SCO1: variants seen among roughly 807,000 people sequenced by gnomAD.
SCO1 encodes the protein synthesis of cytochrome C oxidase 1, also known as cytochrome c oxidase assembly factor SCO1.
Under a neutral mutation model 34.0 loss-of-function variants are expected in SCO1, and 23 were observed. That is an observed-to-expected ratio of 0.68 (90% CI 0.49 to 0.96). The LOEUF is 0.96. SCO1 is among the 40% of genes least tolerant of loss of function. SCO1 has a pLI of 0.00. For missense variants in SCO1, 404 were observed against 381.6 expected, an observed-to-expected ratio of 1.06 and a Z score of -0.49; for synonymous variants, 161 against 145.5, an observed-to-expected ratio of 1.11 and a Z score of -0.77.
Position 10,697,444 on chromosome 17 carries a change from A to G in SCO1, c.64T>C (p.Phe22Leu), listed in dbSNP as rs2074738912. Residue 22 changes from phenylalanine (F) to leucine (L), a missense_variant, in exon 1 of 6, where the codon TTC becomes CTC. Phe to Leu is a conservative substitution (Grantham distance 22). Transcript: ENST00000255390. ...MRPLGGQLWRFLPRGLEFWGP... is the reference protein window; with the variant it reads ...MRPLGGQLWRLLPRGLEFWGP... ...CAAAACTCGAGTCCGCGAGGCAAGAAGCGCCAAAGTTGGCCACCCAGAGGC... is the reference window on the plus strand; with the variant it reads ...CAAAACTCGAGTCCGCGAGGCAAGAGGCGCCAAAGTTGGCCACCCAGAGGC... The G allele has an allele frequency of 6.2e-7, 1 of 1,612,956 alleles. No homozygotes were observed. The highest frequency in any genetic ancestry group is 8.5e-7 in the Non-Finnish European group (1 of 1,179,764).
chr17:10,689,575 C>T (rs1202124138), intron 4 of SCO1, among the ~76,000 whole-genome samples: 2 of 152,148 alleles, frequency 1.3e-5, no homozygotes, highest in Admixed American at 6.5e-5. Context: ...TGAATTAGAA[C>T]CTAAGCATCC....
At chr17:10,695,599 A>G (rs1408310089) in intron 2 of SCO1, 142 bp downstream of exon 2, 1 of 633,798 alleles carries the variant, frequency 1.6e-6, no homozygotes, top group African/African-American at 1.8e-5. Context: ...GGTGAAAGGT[A>G]TGTAGAACCT....
chr17:10,692,047 C>T (rs1207451801), intron 3 of SCO1, 83 bp from the exon 4 acceptor site: 6 of 955,636 alleles, frequency 6.3e-6, no homozygotes, highest in Non-Finnish European at 5.1e-6. Context: ...GAGTATAGGA[C>T]GTGCTGGACA....
At position 10,677,586 on chromosome 17, in the gene SCO1, GCCTCCCAACTCGC is replaced by G. The variant is rs1361221040; in HGVS notation, c.*3520_*3532del. 14 of 152,084 alleles carry G rather than the reference GCCTCCCAACTCGC, an allele frequency of 9.2e-5. No homozygotes were observed. Among genetic ancestry groups the G allele is most frequent in the African/African-American group, 3.4e-4 (14 of 41,420 alleles). 9.4% of individuals were successfully genotyped at this position (152,084 alleles called of 1,614,324 possible). A position where few individuals can be genotyped will look rare whatever the true frequency, so the allele number is the denominator to read the frequency against. ...ACGCATTTACAATTTAAAATCATTA[GCCTCCCAACTCGC>G]ATATTTTACTGGTAGTCAGTAAATC... is the stretch of plus-strand genomic sequence containing the variant. On this transcript the variant is annotated 3_prime_UTR_variant, in exon 6 of 6. Coordinates refer to ENST00000255390, the MANE Select transcript of SCO1 (RefSeq NM_004589.4).
Position 10,691,861 on chromosome 17 carries a change from TA to T in SCO1, c.655+10del. On this transcript the variant is annotated intron_variant, in intron 4 of 5. Transcript: ENST00000255390. Reference sequence around the variant, plus strand: ...GGCTAAATAAATGTAAAGTATTATTTAAAAAAATACCTTTCACATAATTTGC... The same window carrying T: ...GGCTAAATAAATGTAAAGTATTATTTAAAAAATACCTTTCACATAATTTGC... The T allele has an allele frequency of 2.5e-6, 4 of 1,568,962 alleles. No individual in the cohort carries two copies. Among genetic ancestry groups the T allele is most frequent in the Non-Finnish European group, 3.5e-6 (4 of 1,139,224 alleles).
intron 2 of SCO1, among the ~76,000 whole-genome samples, chr17:10,695,236 G>A (rs1379062663): frequency 2.6e-5 from 4 of 152,080 alleles, no homozygotes; most frequent in Non-Finnish European, 5.9e-5. Context: ...ACTTGCTTTT[G>A]CTCTCACAAC....
At position 10,680,570 on chromosome 17, in the gene SCO1, G is replaced by A. The variant is rs1488070587; in HGVS notation, c.*549C>T. ...CTCTTCATTAGTCAAATCTGATAGTGATATTCATTAATAAGGAAAACTAAA... is the reference window on the plus strand; with the variant it reads ...CTCTTCATTAGTCAAATCTGATAGTAATATTCATTAATAAGGAAAACTAAA... On this transcript the variant is annotated 3_prime_UTR_variant, in exon 6 of 6. Transcript: ENST00000255390. The A allele has an allele frequency of 6.3e-6, 1 of 158,848 alleles. No individual in the cohort carries two copies. The highest frequency in any genetic ancestry group is 1.4e-5 in the Non-Finnish European group (1 of 71,634). 9.8% of individuals were successfully genotyped at this position (158,848 alleles called of 1,614,324 possible). A position where few individuals can be genotyped will look rare whatever the true frequency, so the allele number is the denominator to read the frequency against.
At chr17:10,684,110 T>G (rs146521223) in intron 5 of SCO1, 1 of 152,240 alleles carries the variant, frequency 6.6e-6, no homozygotes, top group Non-Finnish European at 1.5e-5. Context: ...AAAAGTCAAA[T>G]TCTTATGGCA....
At chr17:10,696,664 T>C (rs890160884) in intron 1 of SCO1, among the ~76,000 whole-genome samples, 6 of 150,690 alleles carry the variant, frequency 4.0e-5, no homozygotes, top group African/African-American at 1.5e-4. Context: ...ATGAAGATGA[T>C]GTTGGCCAAC....
Position 10,681,042 on chromosome 17 carries a change from T to C in SCO1, c.*77A>G. 2 of 1,525,932 alleles carry C rather than the reference T, an allele frequency of 1.3e-6. No homozygotes were observed. The highest frequency in any genetic ancestry group is 2.2e-5 in the East Asian group (1 of 44,482). 94.5% of individuals were successfully genotyped at this position (1,525,932 alleles called of 1,614,324 possible). A position where few individuals can be genotyped will look rare whatever the true frequency, so the allele number is the denominator to read the frequency against. On this transcript the variant is annotated 3_prime_UTR_variant, in exon 6 of 6. Transcript: ENST00000255390. ...TGTAGAGTGCACGTATATATGTTTA[T>C]ATTTATATAGGCTCCTATGCGAGAC...
Position 10,681,261 on chromosome 17 carries a change from GA to G in SCO1, c.772-9del. On this transcript the variant is annotated splice_polypyrimidine_tract_variant and intron_variant, in intron 5 of 5. Coordinates refer to ENST00000255390, the MANE Select transcript of SCO1 (RefSeq NM_004589.4). ...TATTATTGTGTGATCCACCTGCAGAGAAAAGGGGGGAGAGTGTGACAAAGAT... is the reference window on the plus strand; with the variant it reads ...TATTATTGTGTGATCCACCTGCAGAGAAAGGGGGGAGAGTGTGACAAAGAT... 6 of 1,613,916 alleles carry G rather than the reference GA, an allele frequency of 3.7e-6. No homozygotes were observed. The highest frequency in any genetic ancestry group is 5.1e-6 in the Non-Finnish European group (6 of 1,179,954).
chr17:10,678,648 T>C lies in SCO1; in HGVS notation c.*2471A>G, dbSNP rs1454341708. On this transcript the variant is annotated 3_prime_UTR_variant, in exon 6 of 6. Transcript: ENST00000255390. Reference sequence around the variant, plus strand: ...TAAATGAGAATAGTCTTTTAGTAAGTTCCTTTCTTGACCAGATTCCTAGGA... The same window carrying C: ...TAAATGAGAATAGTCTTTTAGTAAGCTCCTTTCTTGACCAGATTCCTAGGA... 6 of 152,334 alleles carry C rather than the reference T, an allele frequency of 3.9e-5. No homozygotes were observed. Among genetic ancestry groups the C allele is most frequent in the African/African-American group, 1.4e-4 (6 of 41,578 alleles). 9.4% of individuals were successfully genotyped at this position (152,334 alleles called of 1,614,324 possible). A position where few individuals can be genotyped will look rare whatever the true frequency, so the allele number is the denominator to read the frequency against.
chr17:10,694,755 A>G (rs2074711505), intron 2 of SCO1, among the ~76,000 whole-genome samples: 1 of 151,940 alleles, frequency 6.6e-6, no homozygotes, highest in African/African-American at 2.4e-5. Flanking sequence ...TCCCGCCACA[A>G]CTTTCCTAGC....
chr17:10,680,677 C>CTTCT lies in SCO1; in HGVS notation c.*441_*442insAGAA. The stretch of plus-strand genomic sequence containing the variant: ...CAAGAACTCAGAAGAGCAAAGAACT[C>CTTCT]AAGAAGAGGCAAGCAAGAGCACTAT... On this transcript the variant is annotated 3_prime_UTR_variant, in exon 6 of 6. Transcript: ENST00000255390. 4.8e-6 allele frequency: 1 copy of CTTCT among 206,362 alleles called. No individual in the cohort carries two copies. Among genetic ancestry groups the CTTCT allele is most frequent in the Non-Finnish European group, 1.0e-5 (1 of 99,814 alleles). The allele number at this position is 206,362 out of a possible 1,614,324, so 12.8% of individuals were successfully genotyped here.
chr17:10,681,334 G>C lies in SCO1; in HGVS notation c.772-81C>G, dbSNP rs1597505631. On this transcript the variant is annotated intron_variant, in intron 5 of 5. Transcript: ENST00000255390. ...TTACTGAATGTATGCTGCAAGATAA[G>C]AGAACTTTACATTAATGCTTAAATA... The C allele has an allele frequency of 5.5e-6, 8 of 1,447,650 alleles. No homozygotes were observed. In the East Asian group the frequency reaches 1.8e-4, roughly 33 times the overall value. The allele number at this position is 1,447,650 out of a possible 1,614,324, so 89.7% of individuals were successfully genotyped here.
intron 2 of SCO1, among the ~76,000 whole-genome samples, chr17:10,695,387 T>G (rs1950873481): frequency 6.6e-6 from 1 of 152,226 alleles, no homozygotes; most frequent in Non-Finnish European, 1.5e-5. Context: ...TCTTGCCCAG[T>G]CAAATCTATC....
rs2074621000 is a variant in SCO1, at chr17:10,681,336, G to C, written c.772-83C>G. ...ACTGAATGTATGCTGCAAGATAAGAGAACTTTACATTAATGCTTAAATAAC... is the reference window on the plus strand; with the variant it reads ...ACTGAATGTATGCTGCAAGATAAGACAACTTTACATTAATGCTTAAATAAC... On this transcript the variant is annotated intron_variant, in intron 5 of 5. Coordinates refer to ENST00000255390, the MANE Select transcript of SCO1 (RefSeq NM_004589.4). The C allele has an allele frequency of 7.8e-6, 11 of 1,415,366 alleles. 1 individual carries two copies. In the South Asian group the frequency reaches 1.2e-4, roughly 15 times the overall value. 87.7% of individuals were successfully genotyped at this position (1,415,366 alleles called of 1,614,324 possible).
At position 10,680,029 on chromosome 17, in the gene SCO1, CCCTGG is replaced by C. The variant is rs2074610935; in HGVS notation, c.*1085_*1089del. On this transcript the variant is annotated 3_prime_UTR_variant, in exon 6 of 6. Transcript: ENST00000255390. ...TACCTAACCTCTAGCAATCCTCAGG[CCCTGG>C]CCTCCCAAAGTTTTGGGATTATAGG... is the stretch of plus-strand genomic sequence containing the variant. 1 of 152,218 alleles carries C rather than the reference CCCTGG, an allele frequency of 6.6e-6. No homozygotes were observed. The highest frequency in any genetic ancestry group is 2.1e-4 in the South Asian group (1 of 4,834). The allele number at this position is 152,218 out of a possible 1,614,324, so 9.4% of individuals were successfully genotyped here. A position where few individuals can be genotyped will look rare whatever the true frequency, so the allele number is the denominator to read the frequency against.
chr17:10,686,854 A>G lies in SCO1; in HGVS notation c.656-12T>C, dbSNP rs1238572765. 2 of 1,555,554 alleles carry G rather than the reference A, an allele frequency of 1.3e-6. No homozygotes were observed. The highest frequency in any genetic ancestry group is 1.4e-5 in the African/African-American group (1 of 73,818). On this transcript the variant is annotated splice_polypyrimidine_tract_variant and intron_variant, in intron 4 of 5. Transcript: ENST00000255390. ...TTTGGGAGAAAATTCTAAATAAAAA[A>G]TGAGAGAGACAGTGAAAAATGAGAA...
Sources: allele counts gnomAD v4.1 joint callset (sites outside exome capture counted in the v4.1 genomes callset), GRCh38; gene constraint gnomAD v4.1.1; transcripts MANE v1.5; gene names NCBI Gene and HGNC (gene_info 2026-07-23, HGNC 2026-07-21).